The following DEPDC5 variants were observed in gnomAD, a reference collection of about 807,000 sequenced individuals.
The protein encoded by DEPDC5 is DEP domain containing 5, GATOR1 subcomplex subunit.
In DEPDC5, 73 loss-of-function variants were observed where a neutral mutation model predicts 217.3. The observed-to-expected ratio is 0.34, with a 90% CI of 0.28 to 0.41. The LOEUF (loss-of-function observed/expected upper bound fraction) is 0.41, where lower values mean the gene tolerates loss of function less well. Among genes scored for constraint, DEPDC5 ranks in the 10% least tolerant of loss-of-function variants. The pLI, the probability that DEPDC5 is intolerant of heterozygous loss-of-function variation, is 1.00. For synonymous variants in DEPDC5, 733 were observed against 756.7 expected (o/e 0.97, Z 0.51); for missense variants, 1,675 against 2,070.1 (o/e 0.81, Z 3.70).
chr22:31,893,758 A>C lies in DEPDC5; in HGVS notation c.4203+7A>C. ...AGCAGTACTCTTCGAGATGGTGAGA[A>C]CCTTCATGCATGTTGTCAGGCCTTT... On this transcript the variant is annotated splice_region_variant and intron_variant, in intron 39 of 42. Transcript: ENST00000651528. 6.3e-7 allele frequency: 1 copy of C among 1,589,866 alleles called. No homozygotes were observed. Among genetic ancestry groups the C allele is most frequent in the Non-Finnish European group, 8.6e-7 (1 of 1,169,104 alleles).
intron 31 of DEPDC5, among the ~76,000 whole-genome samples, chr22:31,851,395 G>A (rs1002158330): frequency 6.6e-6 from 1 of 152,210 alleles, no homozygotes; most frequent in Non-Finnish European, 1.5e-5. Context: ...GGGTGGGTGA[G>A]ACTTGAGGAA....
Position 31,874,272 on chromosome 22 carries a change from G to T in DEPDC5, c.3564-1G>T. 1.2e-6 allele frequency: 2 copies of T among 1,606,124 alleles called. No homozygotes were observed. Among genetic ancestry groups the T allele is most frequent in the East Asian group, 4.5e-5 (2 of 44,536 alleles). On this transcript the variant is annotated splice_acceptor_variant, in intron 35 of 42. Transcript: ENST00000651528. LOFTEE classifies it high-confidence loss of function. The stretch of plus-strand genomic sequence containing the variant: ...TCCCCGTTCACCGTGTTGGAACCCA[G>T]GACAGGAGTCCAGCTGCTCTCTGAA...
Position 31,857,482 on chromosome 22 carries a change from A to C in DEPDC5, c.3193A>C (p.Lys1065Gln). Residue 1065 changes from lysine (K) to glutamine (Q), a missense_variant, in exon 32 of 43, where the codon AAG becomes CAG. Physicochemically the swap from Lys to Gln is moderately conservative, Grantham distance 53. Around this residue, in one of 11 missense-constraint regions of DEPDC5, gnomAD observed 126 missense variants for 113.8 expected, o/e 1.11. Coordinates refer to ENST00000651528, the MANE Select transcript of DEPDC5 (RefSeq NM_001242896.3). Reference sequence around the variant, plus strand: ...ACAGCAGGCAGCTGTGCATGGTGGGAAGAGCTCCGCCCAGTCAGCCGAGAG... The same window carrying C: ...ACAGCAGGCAGCTGTGCATGGTGGGCAGAGCTCCGCCCAGTCAGCCGAGAG... ...GEQQAAVHGG[K>Q]SSAQSAESSS... 1 of 1,611,574 alleles carries C rather than the reference A, an allele frequency of 6.2e-7. No individual in the cohort carries two copies. Among genetic ancestry groups the C allele is most frequent in the Non-Finnish European group, 8.5e-7 (1 of 1,179,042 alleles).
chr22:31,838,784 G>A lies in DEPDC5; in HGVS notation c.2454G>A (p.Lys818=). ...MQGYQIIVQP[K]TQKPNPAVPP... ...GCTACCAAATCATAGTGCAGCCCAA[G>A]ACACAGAAACCCAATCCTGCTGTCC... Residue 818 remains lysine, a synonymous_variant, in exon 27 of 43, where the codon AAG becomes AAA. Coordinates refer to ENST00000651528, the MANE Select transcript of DEPDC5 (RefSeq NM_001242896.3). 1 of 1,614,122 alleles carries A rather than the reference G, an allele frequency of 6.2e-7. No individual in the cohort carries two copies. The highest frequency in any genetic ancestry group is 8.5e-7 in the Non-Finnish European group (1 of 1,179,998).
Position 31,838,699 on chromosome 22 carries a change from G to A in DEPDC5, c.2369G>A (p.Gly790Asp). Reference protein sequence around the residue: ...EADIDRRDEDGVQMTAQQVFE... With the variant: ...EADIDRRDEDDVQMTAQQVFE... ...GTTGTTTTCAGGAGGGACGAAGATG[G>A]TGTGCAGATGACAGCCCAGCAGGTA... The change falls in exon 27 of 43, where the codon GGT becomes GAT. Residue 790 changes from glycine (G) to aspartate (D), a missense_variant. Around this residue, in one of 11 missense-constraint regions of DEPDC5, gnomAD observed 293 missense variants for 386.1 expected, o/e 0.76. Coordinates refer to ENST00000651528, the MANE Select transcript of DEPDC5 (RefSeq NM_001242896.3). The A allele has an allele frequency of 6.2e-7, 1 of 1,614,122 alleles. No individual in the cohort carries two copies. The highest frequency in any genetic ancestry group is 8.5e-7 in the Non-Finnish European group (1 of 1,180,012).
intron 2 of DEPDC5, among the ~76,000 whole-genome samples, chr22:31,757,825 G>T (rs2082060927): frequency 6.6e-6 from 1 of 152,082 alleles, no homozygotes; most frequent in Non-Finnish European, 1.5e-5. Context: ...GTGCAGTGGT[G>T]TGATTTCGGC....
Position 31,873,306 on chromosome 22 carries a change from G to A in DEPDC5, c.3537G>A (p.Glu1179=), listed in dbSNP as rs779892979. 1.2e-6 allele frequency: 2 copies of A among 1,613,914 alleles called. No homozygotes were observed. Among genetic ancestry groups the A allele is most frequent in the South Asian group, 2.2e-5 (2 of 91,088 alleles). The change falls in exon 35 of 43, where the codon GAG becomes GAA. Residue 1179 remains glutamate (E), a synonymous_variant. Transcript: ENST00000651528. The stretch of plus-strand genomic sequence containing the variant: ...TGACCTCATCCTCTACCCTGACAGA[G>A]ATCCTGGAAGCCATGAAGCACCCCT... ...SSLTSSSTLT[E]ILEAMKHPST... is the part of the protein sequence containing the mutation.
In DEPDC5 at chr22:31,844,983, C is replaced by T. The variant is rs781607587; in HGVS notation, c.2802-35C>T. Reference sequence around the variant, plus strand: ...AGAGTGCTTTCATTATCTCCTTTCTCTCACCACCACCCTGTGTTTTCCTTG... The same window carrying T: ...AGAGTGCTTTCATTATCTCCTTTCTTTCACCACCACCCTGTGTTTTCCTTG... On this transcript the variant is annotated intron_variant, in intron 29 of 42. Transcript: ENST00000651528. 6 of 1,610,004 alleles carry T rather than the reference C, an allele frequency of 3.7e-6. No homozygotes were observed. In the Admixed American group the frequency reaches 6.7e-5, roughly 18 times the overall value.
chr22:31,854,804 C>G (rs2092205148), intron 31 of DEPDC5, among the ~76,000 whole-genome samples: 1 of 152,158 alleles, frequency 6.6e-6, no homozygotes, highest in South Asian at 2.1e-4. Flanking sequence ...ATGTAATCAG[C>G]ACATCCAGAC....
chr22:31,770,795 T>TC (rs1329024095), intron 7 of DEPDC5, among the ~76,000 whole-genome samples: 1 of 148,504 alleles, frequency 6.7e-6, no homozygotes, highest in Non-Finnish European at 1.5e-5. Flanking sequence ...ACTTTTCTTT[T>TC]TTTTTTTTTT....
At chr22:31,774,993 C>T (rs758899348) in intron 7 of DEPDC5, among the ~76,000 whole-genome samples, 1 of 152,050 alleles carries the variant, frequency 6.6e-6, no homozygotes. Flanking sequence ...CATTCACAGA[C>T]GTAACTGGGC....
intron 20 of DEPDC5, 54 bp from the exon 21 acceptor site, chr22:31,814,938 A>C: frequency 6.2e-7 from 1 of 1,600,334 alleles, no homozygotes; most frequent in African/African-American, 1.3e-5. Context: ...GTTTTAACTC[A>C]AGGTAGGACA....
intron 3 of DEPDC5, 41 bp from the exon 4 acceptor site, chr22:31,760,615 T>C (rs756968646): frequency 6.3e-7 from 1 of 1,588,644 alleles, no homozygotes; most frequent in Non-Finnish European, 8.6e-7. Flanking sequence ...AGGGAGTTAC[T>C]GTTCACGGTA....
chr22:31,874,835 T>G (rs577460920), intron 36 of DEPDC5, among the ~76,000 whole-genome samples: 11 of 152,304 alleles, frequency 7.2e-5, no homozygotes, highest in Non-Finnish European at 1.5e-4. Context: ...CACAACAGAA[T>G]GAAGATCTTT....
chr22:31,845,279 T>C (rs942310007), intron 30 of DEPDC5, 42 bp downstream of exon 30: 1 of 1,579,386 alleles, frequency 6.3e-7, no homozygotes, highest in Non-Finnish European at 8.6e-7. Flanking sequence ...TGGTGTGAGA[T>C]GCAGGGCCTG....
At chr22:31,843,499 A>T in intron 28 of DEPDC5, 146 bp from the exon 29 acceptor site, 1 of 952,890 alleles carries the variant, frequency 1.0e-6, no homozygotes, top group South Asian at 1.9e-5. Context: ...AGAAATTTCT[A>T]GTACCGTTCC....
intron 30 of DEPDC5, among the ~76,000 whole-genome samples, chr22:31,846,415 A>G (rs914179152): frequency 1.3e-5 from 2 of 152,156 alleles, no homozygotes; most frequent in African/African-American, 2.4e-5. Context: ...TATGTACACA[A>G]CATCACTTAC....
At chr22:31,839,113 G>T (rs1397746942) in intron 27 of DEPDC5, among the ~76,000 whole-genome samples, 2 of 152,206 alleles carry the variant, frequency 1.3e-5, no homozygotes, top group Non-Finnish European at 2.9e-5. Flanking sequence ...AGACACCTGG[G>T]AATAGTAGGC....
intron 5 of DEPDC5, 125 bp from the exon 6 acceptor site, chr22:31,766,460 C>A: frequency 1.2e-6 from 1 of 845,220 alleles, no homozygotes; most frequent in Non-Finnish European, 1.9e-6. Context: ...AGTTCTGCTA[C>A]TGAATGGTCT....
Sources: gnomAD v4.1 joint callset for allele counts (sites outside exome capture counted in the v4.1 genomes callset) on GRCh38, gnomAD v4.1.1 for gene constraint, gnomAD v4.1.1 regional missense constraint, MANE v1.5 for transcripts, NCBI Gene and HGNC (gene_info 2026-07-23, HGNC 2026-07-21) for gene names.